PCDH15: variants seen among roughly 807,000 people sequenced by gnomAD.
PCDH15 encodes protocadherin-15.
PCDH15 carries 129 observed loss-of-function variants against 178.5 expected under a neutral mutation model. That is an observed-to-expected ratio of 0.72 (90% confidence interval 0.63 to 0.84). PCDH15 has a LOEUF of 0.84. PCDH15 is among the 40% of genes least tolerant of loss of function. The pLI is 0.00. For missense variants in PCDH15, 2,230 were observed against 2,099.9 expected, an observed-to-expected ratio of 1.06 and a Z score of -1.21; for synonymous variants, 800 against 732.0, an observed-to-expected ratio of 1.09 and a Z score of -1.50.
intron 2 of PCDH15, among the ~76,000 whole-genome samples, chr10:55,083,224 C>G (rs947426849): frequency 1.3e-5 from 2 of 151,540 alleles, no homozygotes; most frequent in Non-Finnish European, 3.0e-5. Context: ...GGAATTTATC[C>G]CAGAGATGCA....
At chr10:54,852,520 A>C (rs1310137940) in intron 3 of PCDH15, among the ~76,000 whole-genome samples, 3 of 152,178 alleles carry the variant, frequency 2.0e-5, no homozygotes, top group South Asian at 2.1e-4. Flanking sequence ...GAACTCCTAC[A>C]AAAAATATAA....
intron 3 of PCDH15, among the ~76,000 whole-genome samples, chr10:54,410,675 T>G (rs1953357627): frequency 6.6e-6 from 1 of 152,024 alleles, no homozygotes; most frequent in East Asian, 1.9e-4. Context: ...AATGTACACA[T>G]TTTCTGAGGA....
At chr10:54,876,456 T>C (rs1214508317) in intron 3 of PCDH15, among the ~76,000 whole-genome samples, 1 of 152,158 alleles carries the variant, frequency 6.6e-6, no homozygotes, top group East Asian at 1.9e-4. Flanking sequence ...TAGTGATTCT[T>C]ACAAGGAATC....
intron 25 of PCDH15, among the ~76,000 whole-genome samples, chr10:53,920,004 A>G (rs2083865439): frequency 6.6e-6 from 1 of 152,192 alleles, no homozygotes; most frequent in South Asian, 2.1e-4. Flanking sequence ...GGTTGGAATT[A>G]AAGCCTCCCA....
intron 1 of PCDH15, among the ~76,000 whole-genome samples, chr10:55,316,953 T>A (rs1042540071): frequency 1.3e-5 from 2 of 152,172 alleles, no homozygotes; most frequent in Admixed American, 1.3e-4. Flanking sequence ...AGATTCTAAA[T>A]CTCAACGTTT....
intron 2 of PCDH15, among the ~76,000 whole-genome samples, chr10:55,377,146 TAAAAAAA>T (rs398054373): frequency 9.5e-6 from 1 of 105,342 alleles, no homozygotes; most frequent in Non-Finnish European, 2.0e-5. Context: ...CTTTCTTCAC[TAAAAAAA>T]AAAAAAAAAA....
Position 55,477,807 on chromosome 10 carries a change from G to A in PCDH15, c.-156+149818C>T, listed in dbSNP as rs183809657. Among the ~76,000 whole-genome samples, 1,095 of 151,906 alleles carry A rather than the reference G, an allele frequency of 7.2e-3. 7 individuals carry two copies. Among genetic ancestry groups the A allele is most frequent in the Non-Finnish European group, 0.011 (742 of 67,864 alleles). On this transcript the variant is annotated intron_variant, in intron 2 of 5. Transcript: ENST00000613346. ...AAATATCAGTAAACAAATGAATGAAGTGCAAGTAGAAAATACTACTTAAGT... is the reference window on the plus strand; with the variant it reads ...AAATATCAGTAAACAAATGAATGAAATGCAAGTAGAAAATACTACTTAAGT...
intron 1 of PCDH15, among the ~76,000 whole-genome samples, chr10:54,671,519 A>G (rs1345224916): frequency 1.3e-5 from 2 of 152,168 alleles, no homozygotes; most frequent in Non-Finnish European, 1.5e-5. Context: ...AGGGCTATAT[A>G]AGGGTAAACT....
At chr10:54,354,729 CA>C (rs1944700230) in intron 5 of PCDH15, among the ~76,000 whole-genome samples, 1 of 151,462 alleles carries the variant, frequency 6.6e-6, no homozygotes, top group East Asian at 1.9e-4. Flanking sequence ...GTAAACAAAA[CA>C]CACAAAATAT....
At chr10:54,957,197 T>G (rs2131880279) in intron 2 of PCDH15, among the ~76,000 whole-genome samples, 1 of 151,650 alleles carries the variant, frequency 6.6e-6, no homozygotes, top group Non-Finnish European at 1.5e-5. Flanking sequence ...AACTTCAAAC[T>G]AAAGTATATG....
At chr10:55,306,375 C>A (rs1843426806) in intron 1 of PCDH15, among the ~76,000 whole-genome samples, 1 of 152,168 alleles carries the variant, frequency 6.6e-6, no homozygotes, top group East Asian at 1.9e-4. Context: ...TTACACAGTT[C>A]CTATCAATCT....
chr10:55,557,917 G>A (rs1001839393), intron 2 of PCDH15, among the ~76,000 whole-genome samples: 1 of 152,094 alleles, frequency 6.6e-6, no homozygotes, highest in Non-Finnish European at 1.5e-5. Context: ...GAGCATTGGG[G>A]AAAACCTATT....
chr10:55,172,926 C>T (rs1839378742), intron 1 of PCDH15, among the ~76,000 whole-genome samples: 1 of 151,726 alleles, frequency 6.6e-6, no homozygotes, highest in Non-Finnish European at 1.5e-5. Context: ...GTTCTAAAAG[C>T]CTTTTAAATG....
chr10:54,200,684 G>T (rs1293927212), intron 10 of PCDH15, among the ~76,000 whole-genome samples: 1 of 151,878 alleles, frequency 6.6e-6, no homozygotes, highest in African/African-American at 2.4e-5. Context: ...CCTATCTTCA[G>T]CATTATTCAC....
intron 3 of PCDH15, among the ~76,000 whole-genome samples, chr10:54,416,488 G>A (rs1954418500): frequency 1.3e-5 from 2 of 152,000 alleles, no homozygotes; most frequent in Admixed American, 1.3e-4. Context: ...GTATTCCTTG[G>A]TGTATATGTA....
intron 1 of PCDH15, among the ~76,000 whole-genome samples, chr10:54,717,588 A>G (rs1264912380): frequency 1.5e-5 from 2 of 137,892 alleles, no homozygotes; most frequent in South Asian, 2.3e-4. Flanking sequence ...TTAGAATGGC[A>G]ATCATTAAAA....
At chr10:54,384,167 G>T (rs575489352) in intron 3 of PCDH15, among the ~76,000 whole-genome samples, 24 of 152,016 alleles carry the variant, frequency 1.6e-4, no homozygotes, top group Middle Eastern at 6.8e-3. Flanking sequence ...GTGAAAGATT[G>T]ATTTGAAAAG....
At chr10:53,825,094 TTTTTCTAACGC>T in intron 32 of PCDH15, 1 of 1,519,126 alleles carries the variant, frequency 6.6e-7, no homozygotes, top group East Asian at 2.5e-5. Context: ...ATTGTATCTA[TTTTTCTAACGC>T]TCTTCTATTA....
At chr10:54,318,969 T>C (rs898550543) in intron 7 of PCDH15, among the ~76,000 whole-genome samples, 2 of 152,120 alleles carry the variant, frequency 1.3e-5, no homozygotes, top group Non-Finnish European at 2.9e-5. Context: ...AAAGAATGGG[T>C]AGTAATTTTA....
Sources: allele counts gnomAD v4.1 joint callset (sites outside exome capture counted in the v4.1 genomes callset), GRCh38; gene constraint gnomAD v4.1.1; transcripts MANE v1.5; gene names NCBI Gene and HGNC (gene_info 2026-07-23, HGNC 2026-07-21).